Variants in ALOX5AP observed in about 807,000 individuals in gnomAD.
The protein encoded by ALOX5AP is arachidonate 5-lipoxygenase-activating protein.
A neutral mutation model predicts 18.5 loss-of-function variants in ALOX5AP; 9 were observed. That is an observed-to-expected ratio of 0.49 (90% CI 0.29 to 0.85). The LOEUF is 0.85. Among genes scored for constraint, ALOX5AP ranks in the 40% least tolerant of loss-of-function variants. The pLI, the probability that ALOX5AP is intolerant of heterozygous loss-of-function variation, is 0.08. For synonymous variants in ALOX5AP, 81 were observed against 78.6 expected, an observed-to-expected ratio of 1.03 and a Z score of -0.16; for missense variants, 172 against 202.5, an observed-to-expected ratio of 0.85 and a Z score of 0.91.
At chr13:30,729,237 A>G (rs1222331841) in intron 1 of ALOX5AP, among the ~76,000 whole-genome samples, 2 of 151,784 alleles carry the variant, frequency 1.3e-5, no homozygotes, top group Admixed American at 6.6e-5. Context: ...ACTTTCTCCT[A>G]TGTTTTCTTT....
intron 4 of ALOX5AP, among the ~76,000 whole-genome samples, chr13:30,761,683 G>A (rs1256594237): frequency 6.6e-6 from 1 of 152,102 alleles, no homozygotes; most frequent in East Asian, 1.9e-4. Flanking sequence ...TCAAAGTGTG[G>A]GCAGGGTCGG....
chr13:30,741,837 T>TTG (rs1555255433), intron 1 of ALOX5AP, among the ~76,000 whole-genome samples: 1 of 150,858 alleles, frequency 6.6e-6, no homozygotes, highest in African/African-American at 2.4e-5. Context: ...TTCTGTTTTT[T>TTG]TTTTTTTTTT....
chr13:30,721,584 T>C (rs983039045), intron 1 of ALOX5AP, among the ~76,000 whole-genome samples: 9 of 152,156 alleles, frequency 5.9e-5, no homozygotes, highest in Non-Finnish European at 1.3e-4. Context: ...CCATCTCTTC[T>C]CTGGAACAGA....
chr13:30,717,783 G>A (rs1236940747), intron 1 of ALOX5AP, among the ~76,000 whole-genome samples: 1 of 152,004 alleles, frequency 6.6e-6, no homozygotes, highest in Non-Finnish European at 1.5e-5. Context: ...GTCCTCTTGG[G>A]TTTTTATGGA....
chr13:30,731,350 C>CT (rs1951679159), upstream of ALOX5AP, among the ~76,000 whole-genome samples: 3 of 151,496 alleles, frequency 2.0e-5, no homozygotes, highest in South Asian at 6.2e-4. Context: ...CTGCTCCTTG[C>CT]TATGTGGGTC....
intron 3 of ALOX5AP, among the ~76,000 whole-genome samples, chr13:30,754,365 C>A (rs1487740470): frequency 6.6e-6 from 1 of 152,154 alleles, no homozygotes; most frequent in Non-Finnish European, 1.5e-5. Context: ...GGAGGCAAAT[C>A]CAAGGACACT....
intron 2 of ALOX5AP, among the ~76,000 whole-genome samples, chr13:30,745,458 A>C (rs557348054): frequency 6.6e-6 from 1 of 151,890 alleles, no homozygotes; most frequent in Admixed American, 6.5e-5. Flanking sequence ...GGCCACCTAG[A>C]TCTCCCTCTT....
rs376956587 is a variant in ALOX5AP, at chr13:30,752,104, G to A, written c.223G>A (p.Gly75Arg). The A allele has an allele frequency of 1.2e-6, 2 of 1,614,098 alleles. No homozygotes were observed. Among genetic ancestry groups the A allele is most frequent in the Non-Finnish European group, 1.7e-6 (2 of 1,179,992 alleles). ...PTFLAVLWSA[G>R]LLCSQVPAAF... ...TTTCCTCGCTGTGCTCTGGTCTGCG[G>A]GGCTACTTTGCAGCCAAGGTAACTC... is the stretch of plus-strand genomic sequence containing the variant. Residue 75 changes from glycine (G) to arginine (R), a missense_variant, in exon 3 of 5, where the codon GGG becomes AGG. Physicochemically the swap from Gly to Arg is moderately radical, Grantham distance 125 (BLOSUM62 -2). Transcript: ENST00000380490.
At chr13:30,743,674 T>C (rs185479321) in intron 1 of ALOX5AP, among the ~76,000 whole-genome samples, 5 of 152,178 alleles carry the variant, frequency 3.3e-5, no homozygotes, top group South Asian at 4.1e-4. Flanking sequence ...TTAGATGTCA[T>C]TCCCTCAAGG....
At chr13:30,735,768 T>A in intron 1 of ALOX5AP, 93 bp downstream of exon 1, 1 of 1,402,044 alleles carries the variant, frequency 7.1e-7, no homozygotes, top group South Asian at 1.2e-5. Context: ...TGTCTGTGTG[T>A]GCGCATGCAC....
At chr13:30,732,145 G>A (rs1951686581), upstream of ALOX5AP, among the ~76,000 whole-genome samples, 1 of 152,228 alleles carries the variant, frequency 6.6e-6, no homozygotes, top group Non-Finnish European at 1.5e-5. Context: ...CTGGCTGGGG[G>A]TGACTCCAAG....
intron 1 of ALOX5AP, among the ~76,000 whole-genome samples, chr13:30,718,051 C>T (rs1951563411): frequency 6.6e-6 from 1 of 151,792 alleles, no homozygotes; most frequent in African/African-American, 2.4e-5. Context: ...CCTCCGCCTC[C>T]CAGGTTTAAG....
At chr13:30,738,001 C>CA (rs1329333540) in intron 1 of ALOX5AP, among the ~76,000 whole-genome samples, 1 of 152,138 alleles carries the variant, frequency 6.6e-6, no homozygotes, top group Non-Finnish European at 1.5e-5. Context: ...TTACAGAGTT[C>CA]AAAAAAATAT....
rs372709944 is a variant in ALOX5AP at position 30,758,284 on chromosome 13, T to C, written c.323+2259T>C. On this transcript the variant is annotated intron_variant, in intron 4 of 4. Transcript: ENST00000380490. The stretch of plus-strand genomic sequence containing the variant: ...AGCTACTTGCTGAGATCTTCTTCAG[T>C]TGGGCCCATCTCCTCCCCAGGCCTC... 3.0e-4 allele frequency among the ~76,000 whole-genome samples: 46 copies of C among 152,308 alleles called. 2 individuals carry two copies. The highest frequency in any genetic ancestry group is 9.6e-4 in the African/African-American group (40 of 41,564).
chr13:30,724,212 T>C (rs910647023), intron 1 of ALOX5AP, among the ~76,000 whole-genome samples: 1 of 152,250 alleles, frequency 6.6e-6, no homozygotes, highest in Non-Finnish European at 1.5e-5. Context: ...CTTTTGTGTC[T>C]GTCTTCTTCT....
intron 1 of ALOX5AP, among the ~76,000 whole-genome samples, chr13:30,722,499 A>G (rs1264577390): frequency 6.6e-6 from 1 of 152,230 alleles, no homozygotes; most frequent in Non-Finnish European, 1.5e-5. Flanking sequence ...TACCAAGCCA[A>G]TGCATGACAC....
At chr13:30,735,376 G>A (rs1421522340), upstream of ALOX5AP, 20 of 874,608 alleles carry the variant, frequency 2.3e-5, no homozygotes, top group Non-Finnish European at 3.0e-5. Context: ...CCTCTGCCAA[G>A]CCCTGCTTCT....
intron 1 of ALOX5AP, among the ~76,000 whole-genome samples, chr13:30,725,366 A>G (rs1378985747): frequency 6.6e-6 from 1 of 152,270 alleles, no homozygotes; most frequent in Non-Finnish European, 1.5e-5. Context: ...CAGCTGAATA[A>G]GATGATTCAT....
chr13:30,726,135 G>A lies in ALOX5AP; in HGVS notation c.117-9416G>A, dbSNP rs578023507. Among the ~76,000 whole-genome samples, 11 of 152,280 alleles carry A rather than the reference G, an allele frequency of 7.2e-5. No individual in the cohort carries two copies. The South Asian group carries it at 2.1e-3, about 29-fold the overall frequency. On this transcript the variant is annotated intron_variant, in intron 1 of 5. Transcript: ENST00000617770. ...TTGCAGAAATCTTAGCTCCTGTGGG[G>A]GGAATGCTTCCATCAGGGAATACAA... is the stretch of plus-strand genomic sequence containing the variant.
Sources: gnomAD v4.1 joint callset for allele counts (sites outside exome capture counted in the v4.1 genomes callset) on GRCh38, gnomAD v4.1.1 for gene constraint, MANE v1.5 for transcripts, NCBI Gene and HGNC (gene_info 2026-07-23, HGNC 2026-07-21) for gene names.